PTK2: variants seen among roughly 807,000 people sequenced by gnomAD.
PTK2 encodes the protein protein tyrosine kinase 2.
Under a neutral mutation model 150.1 loss-of-function variants are expected in PTK2, and 45 were observed. That is an observed-to-expected ratio of 0.30 (90% CI 0.24 to 0.38). The LOEUF (loss-of-function observed/expected upper bound fraction) is 0.38. Among genes scored for constraint, PTK2 ranks in the 10% least tolerant of loss-of-function variants. PTK2 has a pLI of 1.00. For missense variants in PTK2, 919 were observed against 1,307.3 expected (o/e 0.70, Z 4.58); for synonymous variants, 432 against 449.2 (o/e 0.96, Z 0.48).
At chr8:140,766,434 GCCC>G (rs1484073089) in intron 14 of PTK2, among the ~76,000 whole-genome samples, 5 of 152,124 alleles carry the variant, frequency 3.3e-5, no homozygotes, top group African/African-American at 4.8e-5. Flanking sequence ...AGACTAATTT[GCCC>G]CCATCCCACT....
chr8:140,753,380 T>C (rs2100063898), intron 16 of PTK2, among the ~76,000 whole-genome samples: 2 of 152,186 alleles, frequency 1.3e-5, no homozygotes, highest in African/African-American at 2.4e-5. Context: ...AAGCTTGAGA[T>C]GTCAGTAAGA....
chr8:140,747,613 G>T (rs2100059954), intron 17 of PTK2, among the ~76,000 whole-genome samples: 1 of 93,530 alleles, frequency 1.1e-5, no homozygotes, highest in Non-Finnish European at 2.2e-5. Flanking sequence ...AGGGGAGGCT[G>T]AAGAGGAAGA....
rs398010102 is a variant in PTK2 at position 140,714,796 on chromosome 8, C to CAAAAAAAAAA, written c.2142+2792_2142+2801dup. ...CGGGCAATAGAGCAAGGCTCTGTCT[C>CAAAAAAAAAA]AAAAAAAAAAAAAAAAAAAAAAAAA... On this transcript the variant is annotated intron_variant, in intron 23 of 31. Transcript: ENST00000522684. Among the ~76,000 whole-genome samples, 16 of 46,868 alleles carry CAAAAAAAAAA rather than the reference C, an allele frequency of 3.4e-4. 1 individual carries two copies. The highest frequency in any genetic ancestry group is 1.5e-3 in the South Asian group (1 of 656). The allele number at this position is 46,868 out of a possible 152,430, so 30.7% of individuals were successfully genotyped here.
chr8:141,001,089 C>CCGACCCG (rs1801728474), intron 1 of PTK2, 36 bp downstream of exon 1: 1 of 151,756 alleles, frequency 6.6e-6, no homozygotes, highest in Non-Finnish European at 1.5e-5. Flanking sequence ...CGCCCAGCCC[C>CCGACCCG]CGACCCGCGC....
In PTK2 at chr8:140,835,110, C is replaced by T. The variant is rs192207288; in HGVS notation, c.594-4584G>A. 1.1e-4 allele frequency among the ~76,000 whole-genome samples: 16 copies of T among 152,322 alleles called. No homozygotes were observed. In the South Asian group the frequency reaches 2.1e-3, roughly 20 times the overall value. On this transcript the variant is annotated intron_variant, in intron 7 of 31. Transcript: ENST00000522684. The stretch of plus-strand genomic sequence containing the variant: ...CATTCCCCACTCACTGAGATGAATC[C>T]TCTAGGTGCCCATCTAGTCCCAGCC...
intron 2 of PTK2, among the ~76,000 whole-genome samples, chr8:140,912,532 CAG>C (rs1024187666): frequency 6.6e-6 from 1 of 151,810 alleles, no homozygotes; most frequent in Non-Finnish European, 1.5e-5. Context: ...AAAATTAAAA[CAG>C]AAAAACTCAT....
chr8:140,875,539 C>G (rs2100144994), intron 4 of PTK2, among the ~76,000 whole-genome samples: 1 of 152,174 alleles, frequency 6.6e-6, no homozygotes, highest in Non-Finnish European at 1.5e-5. Flanking sequence ...AGAGTTTGCT[C>G]TGAGTGTGAT....
chr8:140,972,890 A>G (rs1423536557), intron 1 of PTK2, among the ~76,000 whole-genome samples: 1 of 152,152 alleles, frequency 6.6e-6, no homozygotes, highest in African/African-American at 2.4e-5. Context: ...CTTCATTACC[A>G]CCTGTCAAAA....
In PTK2 at chr8:140,726,833, T is replaced by A. The variant is rs147863215; in HGVS notation, c.2030+8418A>T. Among the ~76,000 whole-genome samples, 511 of 152,328 alleles carry A rather than the reference T, an allele frequency of 3.4e-3. 2 individuals carry two copies. Among genetic ancestry groups the A allele is most frequent in the African/African-American group, 0.012 (496 of 41,554 alleles). Reference sequence around the variant, plus strand: ...CGAAGTTAAATATAGAAGAGTGAGTTTGCTTACTTTATTTAAAATGGTATT... The same window carrying A: ...CGAAGTTAAATATAGAAGAGTGAGTATGCTTACTTTATTTAAAATGGTATT... On this transcript the variant is annotated intron_variant, in intron 22 of 31. Coordinates refer to ENST00000522684, the Ensembl canonical transcript of PTK2.
intron 26 of PTK2, among the ~76,000 whole-genome samples, chr8:140,691,448 T>C (rs2100023171): frequency 6.6e-6 from 1 of 152,170 alleles, no homozygotes; most frequent in South Asian, 2.1e-4. Context: ...CTCAACCAAT[T>C]CATAAAGAAA....
Position 140,953,593 on chromosome 8 carries a change from G to A in PTK2, c.-121-27844C>T, listed in dbSNP as rs566214723. 2.9e-4 allele frequency among the ~76,000 whole-genome samples: 44 copies of A among 152,268 alleles called. 1 individual carries two copies. Among genetic ancestry groups the A allele is most frequent in the African/African-American group, 9.6e-4 (40 of 41,554 alleles). ...ATTTCATCAGGCTACTCAGAATGCC[G>A]CACAATTTAAAACTTATAAATTGTT... On this transcript the variant is annotated intron_variant, in intron 1 of 31. Transcript: ENST00000522684.
At chr8:140,785,404 G>A (rs1357686826) in intron 14 of PTK2, among the ~76,000 whole-genome samples, 1 of 152,162 alleles carries the variant, frequency 6.6e-6, no homozygotes, top group Non-Finnish European at 1.5e-5. Flanking sequence ...GGACAAGATG[G>A]TTTCTAAAAC....
At chr8:140,771,659 G>C (rs2154559035) in intron 14 of PTK2, among the ~76,000 whole-genome samples, 1 of 152,154 alleles carries the variant, frequency 6.6e-6, no homozygotes, top group Non-Finnish European at 1.5e-5. Context: ...GGTCAGGACT[G>C]TTTGCCCATC....
chr8:140,697,878 T>A (rs1285763519), intron 26 of PTK2, among the ~76,000 whole-genome samples: 1 of 140,538 alleles, frequency 7.1e-6, no homozygotes, highest in East Asian at 2.1e-4. Flanking sequence ...TTTTTTTTTT[T>A]TTTGCCACAG....
chr8:140,922,773 A>C (rs887383819), intron 2 of PTK2, among the ~76,000 whole-genome samples: 1 of 152,242 alleles, frequency 6.6e-6, no homozygotes, highest in African/African-American at 2.4e-5. Context: ...GACTAAAGAC[A>C]GGGTCATAGA....
rs189908988 is a variant in PTK2 at position 140,844,138 on chromosome 8, C to T, written c.593+2122G>A. On this transcript the variant is annotated intron_variant, in intron 7 of 31. Coordinates refer to ENST00000522684, the Ensembl canonical transcript of PTK2. The stretch of plus-strand genomic sequence containing the variant: ...TTATGGGTTTTTATTATGAGGAAGG[C>T]CACAGAGGTAAAGTGCCTTTCTCAA... Among the ~76,000 whole-genome samples the T allele has an allele frequency of 1.4e-3, 214 of 152,232 alleles. 1 individual carries two copies. The highest frequency in any genetic ancestry group is 5.0e-3 in the African/African-American group (208 of 41,532).
intron 5 of PTK2, among the ~76,000 whole-genome samples, chr8:140,861,650 A>AT (rs1368451499): frequency 6.6e-6 from 1 of 152,194 alleles, no homozygotes; most frequent in African/African-American, 2.4e-5. Context: ...ATGGCAGACA[A>AT]TTTTATCTCA....
At chr8:140,849,462 T>C (rs1229070245) in intron 5 of PTK2, among the ~76,000 whole-genome samples, 1 of 152,174 alleles carries the variant, frequency 6.6e-6, no homozygotes, top group African/African-American at 2.4e-5. Flanking sequence ...TTCCACTAAC[T>C]CCCAGCAGAA....
intron 3 of PTK2, among the ~76,000 whole-genome samples, chr8:140,889,332 T>A (rs576671111): frequency 2.0e-5 from 3 of 152,192 alleles, no homozygotes; most frequent in African/African-American, 7.2e-5. Context: ...TGGGTTCAAG[T>A]GTTTCTCCTG....
Sources: gnomAD v4.1 joint callset for allele counts (sites outside exome capture counted in the v4.1 genomes callset) on GRCh38, gnomAD v4.1.1 for gene constraint, MANE v1.5 for transcripts, NCBI Gene and HGNC (gene_info 2026-07-23, HGNC 2026-07-21) for gene names.